Variants in VRK3 observed in about 807,000 individuals in gnomAD.
VRK3 encodes the protein VRK serine/threonine kinase 3, also known as serine/threonine-protein kinase VRK3.
VRK3 carries 50 observed loss-of-function variants against 60.4 expected under a neutral mutation model. The ratio of observed to expected loss-of-function variants is 0.83; its 90% confidence interval spans 0.66 to 1.05. VRK3 has a LOEUF of 1.05. VRK3 is among the 50% of genes least tolerant of loss of function. VRK3 has a pLI of 0.00. For missense variants in VRK3, 549 were observed against 585.3 expected (o/e 0.94, Z 0.64); for synonymous variants, 246 against 227.8 (o/e 1.08, Z -0.72).
At chr19:50,015,969 A>G in intron 3 of VRK3, 55 bp downstream of exon 3, 1 of 1,608,194 alleles carries the variant, frequency 6.2e-7, no homozygotes. Context: ...GCAGACACAC[A>G]CGTGTATGCA....
rs1313503091 is a variant in VRK3 at position 50,016,158 on chromosome 19, A to G, written c.5T>C (p.Ile2Thr). M[I>T]SFCPDCGKSI... The stretch of plus-strand genomic sequence containing the variant: ...TTTGCCACAGTCTGGACAGAAGGAG[A>G]TCATGCTACAAAACAGAATGAACAA... Residue 2 changes from isoleucine (I) to threonine (T), a missense_variant, in exon 3 of 15, where the codon ATC (isoleucine) becomes ACC (threonine). Ile to Thr is a moderately conservative substitution (Grantham distance 89, BLOSUM62 -1). Coordinates refer to ENST00000316763, the MANE Select transcript of VRK3 (RefSeq NM_016440.4). The G allele has an allele frequency of 6.2e-7, 1 of 1,613,972 alleles. No homozygotes were observed. Among genetic ancestry groups the G allele is most frequent in the East Asian group, 2.2e-5 (1 of 44,900 alleles).
chr19:49,981,794 A>T (rs968185053), intron 12 of VRK3: 2 of 724,572 alleles, frequency 2.8e-6, no homozygotes, highest in Non-Finnish European at 1.7e-6. Flanking sequence ...ACACACACAG[A>T]CACACACACA....
At chr19:50,022,788 A>G (rs1229743172) in intron 1 of VRK3, among the ~76,000 whole-genome samples, 1 of 152,076 alleles carries the variant, frequency 6.6e-6, no homozygotes, top group African/African-American at 2.4e-5. Context: ...AGCAAGACTC[A>G]GTCTCATAAA....
chr19:50,006,431 A>T (rs989024172), intron 5 of VRK3, among the ~76,000 whole-genome samples: 2 of 151,436 alleles, frequency 1.3e-5, no homozygotes, highest in Non-Finnish European at 2.9e-5. Flanking sequence ...GATGGAGTGC[A>T]GTGGTGCAAC....
At chr19:50,024,128 G>C (rs1025290979) in intron 1 of VRK3, among the ~76,000 whole-genome samples, 16 of 152,090 alleles carry the variant, frequency 1.1e-4, no homozygotes, top group Non-Finnish European at 2.2e-4. Flanking sequence ...AGTAGAGATG[G>C]GGTTTCACCA....
chr19:50,015,905 G>C (rs953427475), intron 3 of VRK3, 119 bp downstream of exon 3: 3 of 1,400,590 alleles, frequency 2.1e-6, no homozygotes, highest in African/African-American at 1.4e-5. Context: ...CTGAGGCCTG[G>C]GCTTCTCCAG....
intron 12 of VRK3, chr19:49,981,755 C>T: frequency 1.5e-5 from 15 of 1,028,728 alleles, no homozygotes; most frequent in Non-Finnish European, 1.7e-5. Flanking sequence ...ACCGCACACC[C>T]AAAGGTGACC....
chr19:49,995,417 G>A, intron 7 of VRK3, 142 bp from the exon 8 acceptor site: 1 of 701,722 alleles, frequency 1.4e-6, no homozygotes, highest in South Asian at 1.7e-5. Context: ...GTGGGTGGGT[G>A]ATGGTGGGAA....
At chr19:49,987,279 G>A (rs2076532142) in intron 12 of VRK3, among the ~76,000 whole-genome samples, 1 of 152,040 alleles carries the variant, frequency 6.6e-6, no homozygotes. Context: ...TCCCTTTTGT[G>A]CTCCGCTGTC....
intron 5 of VRK3, among the ~76,000 whole-genome samples, chr19:50,002,619 C>T (rs2076826706): frequency 6.6e-6 from 1 of 152,170 alleles, no homozygotes; most frequent in African/African-American, 2.4e-5. Context: ...TTATAAAAAG[C>T]TTTTCTCTTT....
chr19:50,016,436 G>A (rs1452642337), intron 2 of VRK3, among the ~76,000 whole-genome samples: 1 of 152,204 alleles, frequency 6.6e-6, no homozygotes, highest in Non-Finnish European at 1.5e-5. Flanking sequence ...TGTGAGTAGA[G>A]TCATCTCATG....
chr19:50,004,771 G>A (rs4802647), intron 5 of VRK3, among the ~76,000 whole-genome samples: 23,446 of 151,874 alleles, frequency 0.15, 2,059 homozygotes, highest in East Asian at 0.33. Flanking sequence ...TTAGCCTGGC[G>A]TGGTGGCGCC....
chr19:50,000,844 G>A lies in VRK3; in HGVS notation c.558C>T (p.Thr186=). 6.2e-7 allele frequency: 1 copy of A among 1,613,926 alleles called. No homozygotes were observed. ...NQGILYEAAP[T]STLTCDSGPQ... The stretch of plus-strand genomic sequence containing the variant: ...GTCCTGAGTCACAGGTGAGGGTGGA[G>A]GTGGGTGCAGCTGTGGGGGAACAAA... The change falls in exon 6 of 15, where the codon ACC becomes ACT. Residue 186 remains threonine, a synonymous_variant. Transcript: ENST00000316763.
At chr19:49,984,251 T>C (rs1425080481) in intron 12 of VRK3, among the ~76,000 whole-genome samples, 1 of 152,132 alleles carries the variant, frequency 6.6e-6, no homozygotes, top group African/African-American at 2.4e-5. Context: ...AACCTGGGTG[T>C]CCAGCACAGC....
At chr19:49,997,399 T>TA (rs1242572229) in intron 7 of VRK3, 105 bp downstream of exon 7, 1 of 1,304,056 alleles carries the variant, frequency 7.7e-7, no homozygotes, top group Non-Finnish European at 1.1e-6. Flanking sequence ...CCTGGGCCTT[T>TA]AATCTAAGCC....
chr19:50,009,579 C>T (rs2076960702), intron 3 of VRK3, among the ~76,000 whole-genome samples, 194 bp from the exon 4 acceptor site: 1 of 152,118 alleles, frequency 6.6e-6, no homozygotes, highest in South Asian at 2.1e-4. Flanking sequence ...TAGGTCTTTG[C>T]CTCTCTTGTA....
intron 6 of VRK3, 51 bp from the exon 7 acceptor site, chr19:49,997,621 A>C: frequency 6.2e-7 from 1 of 1,603,174 alleles, no homozygotes; most frequent in Non-Finnish European, 8.5e-7. Context: ...GTCTCAGATA[A>C]GGGCCCCCAG....
At chr19:49,985,992 A>G (rs150603267) in intron 12 of VRK3, among the ~76,000 whole-genome samples, 1 of 152,350 alleles carries the variant, frequency 6.6e-6, no homozygotes, top group African/African-American at 2.4e-5. Flanking sequence ...AGCAGTTGTG[A>G]GGATGCAGGG....
chr19:49,996,551 A>C (rs2076707819), intron 7 of VRK3, among the ~76,000 whole-genome samples: 1 of 152,200 alleles, frequency 6.6e-6, no homozygotes, highest in African/African-American at 2.4e-5. Context: ...ATAATTAGGA[A>C]GTGATGAATT....
Sources: allele counts gnomAD v4.1 joint callset (sites outside exome capture counted in the v4.1 genomes callset), GRCh38; gene constraint gnomAD v4.1.1; transcripts MANE v1.5; gene names NCBI Gene and HGNC (gene_info 2026-07-23, HGNC 2026-07-21).